Variants in SLC5A10 observed in about 807,000 individuals in gnomAD.
The protein encoded by SLC5A10 is sodium/mannose cotransporter SLC5A10.
Under a neutral mutation model 68.9 loss-of-function variants are expected in SLC5A10, and 55 were observed. The observed-to-expected ratio is 0.80, with a 90% CI of 0.64 to 1.00. The LOEUF is 1.00. Among genes scored for constraint, SLC5A10 ranks in the 50% least tolerant of loss-of-function variants. The pLI is 0.00. For synonymous variants in SLC5A10, 344 were observed against 344.8 expected (o/e 1.00, Z 0.02); for missense variants, 732 against 819.3 (o/e 0.89, Z 1.30).
intron 10 of SLC5A10, among the ~76,000 whole-genome samples, chr17:19,014,134 G>C (rs1300136972): frequency 6.6e-6 from 1 of 152,188 alleles, no homozygotes; most frequent in Non-Finnish European, 1.5e-5. Flanking sequence ...CGGGCAGGGG[G>C]GCCTATGTCA....
In SLC5A10 at chr17:19,021,970, C is replaced by T. The variant is rs1451471948; in HGVS notation, c.*1539C>T. 5.8e-6 allele frequency: 9 copies of T among 1,557,418 alleles called. No individual in the cohort carries two copies. In the East Asian group the frequency reaches 9.2e-5, roughly 16 times the overall value. ...GGCCGCCGGGCTGCTCACAGGTGCACGGGCTGCACGTAACTCCGTGGGAAG... is the reference window on the plus strand; with the variant it reads ...GGCCGCCGGGCTGCTCACAGGTGCATGGGCTGCACGTAACTCCGTGGGAAG... On this transcript the variant is annotated 3_prime_UTR_variant, in exon 15 of 15. Coordinates refer to ENST00000395645, the MANE Select transcript of SLC5A10 (RefSeq NM_001042450.4). The surrounding 1 kb of genome is among the most constrained non-coding windows in gnomAD (Gnocchi z 4.1).
At chr17:18,984,065 G>C (rs535114831) in intron 9 of SLC5A10, among the ~76,000 whole-genome samples, 1 of 152,262 alleles carries the variant, frequency 6.6e-6, no homozygotes, top group East Asian at 1.9e-4. Context: ...TGCCTTGGCC[G>C]GGCGCGGTGG....
At chr17:18,955,025 G>T (rs993476922) in intron 1 of SLC5A10, among the ~76,000 whole-genome samples, 1 of 149,440 alleles carries the variant, frequency 6.7e-6, no homozygotes, top group Non-Finnish European at 1.5e-5. Context: ...GGCGGAGGTC[G>T]CAATGAGCTG....
At chr17:19,006,403 CTTTT>C (rs532718554) in intron 9 of SLC5A10, among the ~76,000 whole-genome samples, 1 of 138,428 alleles carries the variant, frequency 7.2e-6, no homozygotes, top group Non-Finnish European at 1.6e-5. Context: ...TTTCTTTTTT[CTTTT>C]TTTTTTTTTT....
chr17:19,011,429 G>A (rs1338311012), intron 9 of SLC5A10, among the ~76,000 whole-genome samples: 1 of 152,218 alleles, frequency 6.6e-6, no homozygotes, highest in Non-Finnish European at 1.5e-5. Context: ...GCACGGTGCT[G>A]GGATGGGAGG....
At chr17:18,978,736 C>T (rs376786995) in intron 9 of SLC5A10, 2 of 1,612,980 alleles carry the variant, frequency 1.2e-6, no homozygotes, top group Non-Finnish European at 1.7e-6. Flanking sequence ...CCTTGAGGCT[C>T]ACACTGTGTG....
chr17:18,977,136 C>A, intron 9 of SLC5A10, 147 bp downstream of exon 9: 1 of 1,118,370 alleles, frequency 8.9e-7, no homozygotes, highest in Non-Finnish European at 1.3e-6. Flanking sequence ...TCCTCAGGGC[C>A]ACAATCAAAG....
Position 18,971,895 on chromosome 17 carries a change from G to T in SLC5A10, c.846+677G>T, listed in dbSNP as rs1431094747. ...ACCAGGGAGTGGGCCTAGACCAGTT[G>T]GTTTAGTCACTCGATGCCTCAGTTC... On this transcript the variant is annotated intron_variant, in intron 8 of 14. Coordinates refer to ENST00000395645, the MANE Select transcript of SLC5A10 (RefSeq NM_001042450.4). The surrounding 1 kb of genome is among the most constrained non-coding windows in gnomAD (Gnocchi z 5.5). 7 of 792,192 alleles carry T rather than the reference G, an allele frequency of 8.8e-6. No homozygotes were observed. The highest frequency in any genetic ancestry group is 1.4e-5 in the Non-Finnish European group (7 of 516,840). 49.1% of individuals were successfully genotyped at this position (792,192 alleles called of 1,614,324 possible).
intron 11 of SLC5A10, among the ~76,000 whole-genome samples, chr17:19,016,433 T>A (rs2044143024): frequency 6.6e-6 from 1 of 152,048 alleles, no homozygotes; most frequent in Non-Finnish European, 1.5e-5. Flanking sequence ...CCCACCCTCT[T>A]GTTGTCCTCT....
chr17:18,977,557 C>T lies in SLC5A10; in HGVS notation c.982+568C>T, dbSNP rs756438694. On this transcript the variant is annotated intron_variant, in intron 9 of 14. Coordinates refer to ENST00000395645, the MANE Select transcript of SLC5A10 (RefSeq NM_001042450.4). ...TGGCTGGCAGGGAGGGACTCGTGAC[C>T]CCTGGTGTGCAGGGACCCTGACCCA... 1.1e-5 allele frequency: 17 copies of T among 1,595,770 alleles called. No individual in the cohort carries two copies. In the East Asian group the frequency reaches 2.2e-4, roughly 21 times the overall value.
At chr17:18,982,668 A>C (rs1341360222) in intron 9 of SLC5A10, among the ~76,000 whole-genome samples, 2 of 152,120 alleles carry the variant, frequency 1.3e-5, no homozygotes, top group Non-Finnish European at 2.9e-5. Flanking sequence ...GGCAAACTAC[A>C]GCAACCTGCC....
chr17:18,980,344 G>A (rs1190800438), intron 9 of SLC5A10, among the ~76,000 whole-genome samples: 2 of 152,110 alleles, frequency 1.3e-5, no homozygotes, highest in East Asian at 1.9e-4. Context: ...ATTCTGTGCC[G>A]GCTTACACTG....
chr17:18,987,415 C>T (rs754464621), intron 9 of SLC5A10, among the ~76,000 whole-genome samples: 14 of 152,210 alleles, frequency 9.2e-5, no homozygotes, highest in East Asian at 5.8e-4. Context: ...AAGTATTCGC[C>T]GTCATCACGC....
rs757120915 is a variant in SLC5A10 at position 19,019,866 on chromosome 17, G to A, written c.1564G>A (p.Ala522Thr). Reference protein sequence around the residue: ...HYLHFAVALFALSGAVVVAGS... With the variant: ...HYLHFAVALFTLSGAVVVAGS... ...CCTGCACTTCGCTGTCGCCCTCTTTGCACTCAGTGGTGCTGTTGTGGTGGC... is the reference window on the plus strand; with the variant it reads ...CCTGCACTTCGCTGTCGCCCTCTTTACACTCAGTGGTGCTGTTGTGGTGGC... The change falls in exon 13 of 15, where the codon GCA becomes ACA. Residue 522 changes from alanine (A) to threonine (T), a missense_variant. By Grantham distance (58) the Ala-to-Thr change is moderately conservative (BLOSUM62 0). Coordinates refer to ENST00000395645, the MANE Select transcript of SLC5A10 (RefSeq NM_001042450.4). 4 of 1,613,032 alleles carry A rather than the reference G, an allele frequency of 2.5e-6. No homozygotes were observed. In the Admixed American group the frequency reaches 6.7e-5, roughly 27 times the overall value.
chr17:19,007,875 T>A (rs2043928500), intron 9 of SLC5A10, among the ~76,000 whole-genome samples: 1 of 152,228 alleles, frequency 6.6e-6, no homozygotes, highest in African/African-American at 2.4e-5. Flanking sequence ...GATGAATCTC[T>A]ATATTTAACG....
intron 8 of SLC5A10, among the ~76,000 whole-genome samples, chr17:18,975,028 G>A (rs192991318): frequency 3.3e-5 from 5 of 152,318 alleles, no homozygotes; most frequent in Non-Finnish European, 1.5e-5. Flanking sequence ...TACTTGGGGT[G>A]ACAGCACCTG....
At chr17:18,961,583 C>A (rs987111194) in intron 5 of SLC5A10, among the ~76,000 whole-genome samples, 1 of 152,178 alleles carries the variant, frequency 6.6e-6, no homozygotes, top group African/African-American at 2.4e-5. Context: ...CCTCCTGGGC[C>A]CTCTTCATTC....
intron 9 of SLC5A10, chr17:18,979,315 A>ACC: frequency 1.7e-6 from 1 of 580,152 alleles, no homozygotes; most frequent in Non-Finnish European, 3.0e-6. Context: ...GCCTGGCCAC[A>ACC]CCCCACCTCC....
chr17:18,983,732 C>T (rs2043195346), intron 9 of SLC5A10, among the ~76,000 whole-genome samples: 1 of 152,172 alleles, frequency 6.6e-6, no homozygotes, highest in Non-Finnish European at 1.5e-5. Flanking sequence ...CAACACTCAC[C>T]CTGGACTTCT....
Sources: allele counts gnomAD v4.1 joint callset (sites outside exome capture counted in the v4.1 genomes callset), GRCh38; gene constraint gnomAD v4.1.1; non-coding constraint Gnocchi (gnomAD v3.1); transcripts MANE v1.5; gene names NCBI Gene and HGNC (gene_info 2026-07-23, HGNC 2026-07-21).